The following EVC2 variants were observed in gnomAD, a reference collection of about 807,000 sequenced individuals.
EVC2 encodes EvC ciliary complex subunit 2.
A neutral mutation model predicts 149.3 loss-of-function variants in EVC2; 148 were observed. The observed-to-expected ratio is 0.99, with a 90% confidence interval of 0.87 to 1.14. The LOEUF is 1.14. Among genes scored for constraint, EVC2 ranks in the 50% most tolerant of loss-of-function variants. EVC2 has a pLI of 0.00. For missense variants in EVC2, 1,854 were observed against 1,627.3 expected (o/e 1.14, Z -2.40); for synonymous variants, 776 against 649.9 (o/e 1.19, Z -2.95).
Position 5,567,492 on chromosome 4 carries a change from C to A in EVC2, c.3557+952G>T, listed in dbSNP as rs914018730. Among the ~76,000 whole-genome samples, 3 of 152,286 alleles carry A rather than the reference C, an allele frequency of 2.0e-5. No individual in the cohort carries two copies. The highest frequency in any genetic ancestry group is 4.8e-5 in the African/African-American group (2 of 41,548). On this transcript the variant is annotated intron_variant, in intron 20 of 21. Coordinates refer to ENST00000344408, the MANE Select transcript of EVC2 (RefSeq NM_147127.5). This position sits in a 1 kb window ranked among gnomAD's most constrained non-coding sequence, Gnocchi z 4.4. The stretch of plus-strand genomic sequence containing the variant: ...GGCCTCCTCTGCATCCTTGCTGAGG[C>A]TGTGAGCTCTGCATCCTGGTGCAAT...
At chr4:5,691,183 T>C in intron 4 of EVC2, 82 bp downstream of exon 4, 1 of 1,268,668 alleles carries the variant, frequency 7.9e-7, no homozygotes, top group Non-Finnish European at 1.2e-6. Flanking sequence ...TTATCAGTTC[T>C]TAAATACATG....
In EVC2 at chr4:5,562,908, G is replaced by A. The variant is rs953355815; in HGVS notation, c.3867C>T (p.Pro1289=). ...CATTCAAAAAGTTCTTCTTTTTCCT[G>A]GGAGGAACGTGCAGTGAGATCTCTG... The part of the protein sequence containing the change: ...KEPEISLHVP[P]RKKKNFLNAK... Residue 1289 remains proline (P), a synonymous_variant, in exon 22 of 22, where the codon CCC becomes CCT. Transcript: ENST00000344408. This position sits in a 1 kb window ranked among gnomAD's most constrained non-coding sequence, Gnocchi z 4.3. The A allele has an allele frequency of 1.9e-6, 3 of 1,613,990 alleles. No homozygotes were observed. The highest frequency in any genetic ancestry group is 2.7e-5 in the African/African-American group (2 of 74,902).
intron 17 of EVC2, among the ~76,000 whole-genome samples, chr4:5,581,517 T>A (rs2108784548): frequency 6.6e-6 from 1 of 152,238 alleles, no homozygotes. Flanking sequence ...ATCTGTGGAA[T>A]TTTTAATTTG....
chr4:5,601,532 AAC>A (rs1713980132), intron 16 of EVC2, among the ~76,000 whole-genome samples: 1 of 150,794 alleles, frequency 6.6e-6, no homozygotes, highest in African/African-American at 2.5e-5. Flanking sequence ...AAAAAAAAAA[AAC>A]AATGGACGAG....
chr4:5,675,042 T>G (rs1719901998), intron 7 of EVC2, among the ~76,000 whole-genome samples: 1 of 152,198 alleles, frequency 6.6e-6, no homozygotes, highest in African/African-American at 2.4e-5. Context: ...GCCGCCACTG[T>G]GCTTCAAGGG....
intron 16 of EVC2, among the ~76,000 whole-genome samples, chr4:5,588,818 G>A (rs1432362222): frequency 6.6e-6 from 1 of 152,148 alleles, no homozygotes; most frequent in African/African-American, 2.4e-5. Context: ...TATAATGACT[G>A]TTTTACCCCA....
At chr4:5,531,705 GA>G in the EVC2 span, among the ~76,000 whole-genome samples, 1 of 151,888 alleles carries the variant, frequency 6.6e-6, no homozygotes, top group Non-Finnish European at 1.5e-5. Flanking sequence ...CTCCAAATGG[GA>G]CCATCTAGTT....
At chr4:5,536,411 C>T in the EVC2 span, among the ~76,000 whole-genome samples, 1 of 152,026 alleles carries the variant, frequency 6.6e-6, no homozygotes, top group South Asian at 2.1e-4. Context: ...AATTTAAAAA[C>T]ATTTGCATCA....
At position 5,640,634 on chromosome 4, in the gene EVC2, C is replaced by G. The variant is rs749205674; in HGVS notation, c.1350G>C (p.Lys450Asn). 6.2e-7 allele frequency: 1 copy of G among 1,614,166 alleles called. No homozygotes were observed. The highest frequency in any genetic ancestry group is 1.1e-5 in the South Asian group (1 of 91,076). ...ENEIQEEYDR[K>N]MVALTAECDL... ...CACATTCAGCTGTCAATGCCACCATCTTCCGATCGTACTCCTCTTGTATTT... is the reference window on the plus strand; with the variant it reads ...CACATTCAGCTGTCAATGCCACCATGTTCCGATCGTACTCCTCTTGTATTT... The change falls in exon 10 of 22, where the codon AAG becomes AAC. Residue 450 changes from lysine to asparagine, a missense_variant. By Grantham distance (94) the Lys-to-Asn change is moderately conservative (BLOSUM62 0). Transcript: ENST00000344408. This position sits in a 1 kb window ranked among gnomAD's most constrained non-coding sequence, Gnocchi z 4.6.
chr4:5,647,794 C>T (rs1717832291), intron 9 of EVC2, among the ~76,000 whole-genome samples: 1 of 152,216 alleles, frequency 6.6e-6, no homozygotes, highest in Non-Finnish European at 1.5e-5. Context: ...ATTAAGGCTA[C>T]TCATCAGCTG....
chr4:5,706,369 CATAGATAG>C (rs1324726079), intron 1 of EVC2, among the ~76,000 whole-genome samples: 427 of 7,522 alleles, frequency 0.057, 60 homozygotes, highest in East Asian at 0.076. Context: ...TAGATAGATA[CATAGATAG>C]ATACATAGAT....
intron 9 of EVC2, among the ~76,000 whole-genome samples, chr4:5,647,621 T>C (rs1717816726): frequency 6.6e-6 from 1 of 152,208 alleles, no homozygotes; most frequent in Admixed American, 6.5e-5. Context: ...ATCAATGTTG[T>C]ACAAGCTCAG....
At chr4:5,559,724 AATT>A (rs1721904541), downstream of EVC2, among the ~76,000 whole-genome samples, 1 of 152,220 alleles carries the variant, frequency 6.6e-6, no homozygotes, top group South Asian at 2.1e-4. The surrounding 1 kb of genome is among the most constrained non-coding windows in gnomAD (Gnocchi z 5.0). Context: ...TAGAGCAACA[AATT>A]ATTATTGGAT....
chr4:5,650,287 T>C (rs936651563), intron 9 of EVC2, among the ~76,000 whole-genome samples: 1 of 152,040 alleles, frequency 6.6e-6, no homozygotes, highest in African/African-American at 2.4e-5. Flanking sequence ...AAAGGGGAAG[T>C]AGGACTACCT....
At chr4:5,585,171 C>T (rs1577119093) in intron 16 of EVC2, among the ~76,000 whole-genome samples, 1 of 152,250 alleles carries the variant, frequency 6.6e-6, no homozygotes, top group Non-Finnish European at 1.5e-5. Flanking sequence ...AACTCCTGAG[C>T]ATGGGATCCA....
chr4:5,591,634 C>A (rs1004320981), intron 16 of EVC2, among the ~76,000 whole-genome samples: 1 of 152,120 alleles, frequency 6.6e-6, no homozygotes, highest in African/African-American at 2.4e-5. Context: ...GTATGAACAA[C>A]ATGGACAGTG....
intron 18 of EVC2, among the ~76,000 whole-genome samples, chr4:5,575,771 C>T (rs1379816730): frequency 1.3e-5 from 2 of 152,162 alleles, no homozygotes; most frequent in Non-Finnish European, 2.9e-5. Flanking sequence ...ACAACAACAA[C>T]AAAAAGACTG....
chr4:5,666,376 TA>T (rs1320626853), intron 7 of EVC2, among the ~76,000 whole-genome samples: 2 of 152,196 alleles, frequency 1.3e-5, no homozygotes, highest in Non-Finnish European at 2.9e-5. Context: ...CCTGTGACAC[TA>T]AATATCTGCT....
chr4:5,571,914 A>C (rs1722667210), intron 19 of EVC2, among the ~76,000 whole-genome samples: 1 of 152,216 alleles, frequency 6.6e-6, no homozygotes, highest in African/African-American at 2.4e-5. Flanking sequence ...AAGGCTGACC[A>C]GTCCTGAGCA....
Sources: allele counts gnomAD v4.1 joint callset (sites outside exome capture counted in the v4.1 genomes callset), GRCh38; gene constraint gnomAD v4.1.1; non-coding constraint Gnocchi (gnomAD v3.1); transcripts MANE v1.5; gene names NCBI Gene and HGNC (gene_info 2026-07-23, HGNC 2026-07-21).